RCOR1: variants seen among roughly 807,000 people sequenced by gnomAD.
RCOR1 encodes REST corepressor.
Under a neutral mutation model 64.0 loss-of-function variants are expected in RCOR1, and 12 were observed. That is an observed-to-expected ratio of 0.19 (90% CI 0.12 to 0.30). The LOEUF is 0.30. Ranked by LOEUF, RCOR1 falls within the 10% of genes least tolerant of loss-of-function variation. The probability of loss-of-function intolerance (pLI) is 1.00; values close to 1 mark genes in which losing one functional copy is unlikely to be tolerated. For missense variants in RCOR1, 502 were observed against 621.2 expected (o/e 0.81, Z 2.04); for synonymous variants, 279 against 227.2 (o/e 1.23, Z -2.05).
intron 2 of RCOR1, among the ~76,000 whole-genome samples, chr14:102,634,618 ATGTGTGTG>A (rs562922082): frequency 6.6e-4 from 99 of 150,530 alleles, no homozygotes; most frequent in Non-Finnish European, 1.3e-3. Flanking sequence ...GTGTGTATGT[ATGTGTGTG>A]TGTATGTGTG....
At chr14:102,636,735 C>T (rs1015085128) in intron 2 of RCOR1, among the ~76,000 whole-genome samples, 4 of 151,364 alleles carry the variant, frequency 2.6e-5, no homozygotes, top group Non-Finnish European at 4.4e-5. Context: ...TTTTTGGGGC[C>T]GAGGCAGGCG....
chr14:102,596,162 C>T (rs1035075908), intron 2 of RCOR1, among the ~76,000 whole-genome samples: 14 of 151,324 alleles, frequency 9.3e-5, no homozygotes, highest in African/African-American at 3.2e-4. Flanking sequence ...AGTGCAATGG[C>T]GTGATCTGGG....
At chr14:102,688,347 TG>T (rs1275713260) in intron 3 of RCOR1, among the ~76,000 whole-genome samples, 2 of 152,172 alleles carry the variant, frequency 1.3e-5, no homozygotes, top group Non-Finnish European at 2.9e-5. Flanking sequence ...CTGTGACAAG[TG>T]TTGTCCTGGG....
Position 102,729,956 on chromosome 14 carries a change from G to T in RCOR1, c.*3450G>T. The T allele has an allele frequency of 2.5e-6, 1 of 399,022 alleles. No homozygotes were observed. Among genetic ancestry groups the T allele is most frequent in the Non-Finnish European group, 4.4e-6 (1 of 226,060 alleles). 24.7% of individuals were successfully genotyped at this position (399,022 alleles called of 1,614,324 possible). On this transcript the variant is annotated 3_prime_UTR_variant, in exon 12 of 12. Transcript: ENST00000262241. ...TCCTCAGATGGACTCCAGGTAGCCA[G>T]GTCACCTAAACCTAGTGGTCCTGTG...
intron 2 of RCOR1, among the ~76,000 whole-genome samples, chr14:102,641,830 C>A (rs1269328609): frequency 6.6e-6 from 1 of 152,102 alleles, no homozygotes; most frequent in Non-Finnish European, 1.5e-5. Flanking sequence ...AGCATAGTTT[C>A]TTTGGGGTTT....
rs1896349062 is a variant in RCOR1 at position 102,730,422 on chromosome 14, A to G, written c.*3916A>G. 6.2e-6 allele frequency: 1 copy of G among 160,102 alleles called. No individual in the cohort carries two copies. The highest frequency in any genetic ancestry group is 1.4e-5 in the Non-Finnish European group (1 of 73,286). The allele number at this position is 160,102 out of a possible 1,614,324, so 9.9% of individuals were successfully genotyped here. A position where few individuals can be genotyped will look rare whatever the true frequency, so the allele number is the denominator to read the frequency against. Reference sequence around the variant, plus strand: ...CATTGTGGTGAATGTTCATAGCATTATAACTGCTTAGCCATTGAATGATAA... The same window carrying G: ...CATTGTGGTGAATGTTCATAGCATTGTAACTGCTTAGCCATTGAATGATAA... On this transcript the variant is annotated 3_prime_UTR_variant, in exon 12 of 12. Coordinates refer to ENST00000262241, the MANE Select transcript of RCOR1 (RefSeq NM_015156.4).
intron 2 of RCOR1, among the ~76,000 whole-genome samples, chr14:102,664,714 A>T (rs1894883853): frequency 6.6e-6 from 1 of 152,220 alleles, no homozygotes; most frequent in Non-Finnish European, 1.5e-5. Flanking sequence ...TTGGCTACCT[A>T]ACCTATGTTA....
intron 2 of RCOR1, among the ~76,000 whole-genome samples, chr14:102,618,755 A>G (rs906356532): frequency 2.0e-5 from 3 of 152,234 alleles, no homozygotes; most frequent in Non-Finnish European, 4.4e-5. Context: ...TACCTAGTCT[A>G]GTGTGATAAA....
At chr14:102,663,414 A>G (rs1349122536) in intron 2 of RCOR1, among the ~76,000 whole-genome samples, 1 of 152,124 alleles carries the variant, frequency 6.6e-6, no homozygotes, top group Non-Finnish European at 1.5e-5. Context: ...AAAGAATTTC[A>G]TATTGTCTTT....
chr14:102,655,234 G>A (rs553855395), intron 2 of RCOR1: 2 of 983,532 alleles, frequency 2.0e-6, no homozygotes, highest in Non-Finnish European at 2.4e-6. Context: ...ACATTTCTTA[G>A]GCATTCCTGG....
chr14:102,696,491 A>G (rs1339905439), intron 3 of RCOR1, among the ~76,000 whole-genome samples: 1 of 152,110 alleles, frequency 6.6e-6, no homozygotes, highest in Non-Finnish European at 1.5e-5. Flanking sequence ...CACCCTGTAC[A>G]CTGGGGAAGG....
intron 8 of RCOR1, among the ~76,000 whole-genome samples, chr14:102,719,766 A>G (rs915767885): frequency 5.3e-5 from 8 of 152,204 alleles, no homozygotes; most frequent in Admixed American, 3.3e-4. Context: ...ATCACAGTGC[A>G]ATATATACCC....
intron 2 of RCOR1, among the ~76,000 whole-genome samples, chr14:102,621,718 T>C (rs1893877131): frequency 6.6e-6 from 1 of 151,792 alleles, no homozygotes; most frequent in African/African-American, 2.4e-5. Flanking sequence ...CTTAAATGAA[T>C]GAATGAGTGA....
intron 6 of RCOR1, among the ~76,000 whole-genome samples, chr14:102,709,619 T>G (rs1284273798): frequency 6.6e-6 from 1 of 152,158 alleles, no homozygotes; most frequent in Non-Finnish European, 1.5e-5. Context: ...GTTAAGAACA[T>G]CTCCAAAGCT....
chr14:102,708,257 A>T (rs1381385229), intron 5 of RCOR1, among the ~76,000 whole-genome samples: 1 of 151,254 alleles, frequency 6.6e-6, no homozygotes, highest in East Asian at 1.9e-4. Flanking sequence ...GAGTCACCAC[A>T]TCCGGCCTAA....
intron 2 of RCOR1, among the ~76,000 whole-genome samples, chr14:102,667,631 A>G (rs1262739091): frequency 6.6e-6 from 1 of 152,220 alleles, no homozygotes; most frequent in Non-Finnish European, 1.5e-5. Context: ...GGACAAGATG[A>G]GAAACCATGA....
At chr14:102,660,829 T>G (rs1322158502) in intron 2 of RCOR1, among the ~76,000 whole-genome samples, 1 of 152,222 alleles carries the variant, frequency 6.6e-6, no homozygotes, top group Non-Finnish European at 1.5e-5. Context: ...ATTTTCATCC[T>G]TTCATCTAAA....
chr14:102,670,719 G>A (rs532131370), intron 2 of RCOR1, among the ~76,000 whole-genome samples: 6 of 146,908 alleles, frequency 4.1e-5, no homozygotes, highest in Admixed American at 2.7e-4. Context: ...AATTGTGAGC[G>A]TGTCTTAAAA....
At chr14:102,656,785 T>C (rs1254725901) in intron 2 of RCOR1, among the ~76,000 whole-genome samples, 4 of 150,764 alleles carry the variant, frequency 2.7e-5, no homozygotes, top group Admixed American at 2.6e-4. Flanking sequence ...TTCTTTTCTT[T>C]TTTTTTTTGA....
Sources: allele counts gnomAD v4.1 joint callset (sites outside exome capture counted in the v4.1 genomes callset), GRCh38; gene constraint gnomAD v4.1.1; transcripts MANE v1.5; gene names NCBI Gene and HGNC (gene_info 2026-07-23, HGNC 2026-07-21).